Variants in TSNARE1 observed in about 807,000 individuals in gnomAD.
The protein encoded by TSNARE1 is t-SNARE domain containing 1, also known as t-SNARE domain-containing protein 1.
In TSNARE1, 49 loss-of-function variants were observed where a neutral mutation model predicts 62.0. That is an observed-to-expected ratio of 0.79 (90% CI 0.63 to 1.00). The LOEUF (loss-of-function observed/expected upper bound fraction) is 1.00, where lower values mean the gene tolerates loss of function less well. Among genes scored for constraint, TSNARE1 ranks in the 50% least tolerant of loss-of-function variants. The pLI is 0.00. For missense variants in TSNARE1, 755 were observed against 700.1 expected (o/e 1.08, Z -0.88); for synonymous variants, 328 against 294.4 (o/e 1.11, Z -1.17).
At chr8:142,331,481 G>A (rs2132024952) in intron 5 of TSNARE1, among the ~76,000 whole-genome samples, 1 of 152,332 alleles carries the variant, frequency 6.6e-6, no homozygotes, top group South Asian at 2.1e-4. Context: ...GGGGCAGCAG[G>A]CAGGAGCAGC....
chr8:142,272,807 G>T (rs1305893701), intron 12 of TSNARE1: 2 of 980,010 alleles, frequency 2.0e-6, no homozygotes, highest in African/African-American at 3.6e-5. Flanking sequence ...GACACACCGT[G>T]GGGAGGGCCC....
chr8:142,273,886 TCCTCTCTCGTC>T, intron 12 of TSNARE1: 1 of 985,104 alleles, frequency 1.0e-6, no homozygotes, highest in South Asian at 4.7e-5. Context: ...GGGATGTGGC[TCCTCTCTCGTC>T]ACACCTGCCT....
intron 1 of TSNARE1, among the ~76,000 whole-genome samples, chr8:142,391,951 A>G (rs1056436773): frequency 6.6e-6 from 1 of 152,206 alleles, no homozygotes; most frequent in Non-Finnish European, 1.5e-5. Flanking sequence ...GAGGTTTCCA[A>G]CGGTCTAAGT....
intron 2 of TSNARE1, among the ~76,000 whole-genome samples, chr8:142,347,537 T>A (rs1010036968): frequency 6.6e-6 from 1 of 152,196 alleles, no homozygotes; most frequent in Non-Finnish European, 1.5e-5. Flanking sequence ...GACAATGGCC[T>A]GTGAGGGGAT....
At chr8:142,340,105 C>T (rs1268647643) in intron 4 of TSNARE1, among the ~76,000 whole-genome samples, 4 of 152,166 alleles carry the variant, frequency 2.6e-5, no homozygotes, top group African/African-American at 7.2e-5. Flanking sequence ...GGAAGGCGGA[C>T]GGCATCAGGA....
At chr8:142,331,059 C>A in intron 5 of TSNARE1, 89 bp from the exon 6 acceptor site, 3 of 1,192,082 alleles carry the variant, frequency 2.5e-6, no homozygotes, top group Admixed American at 3.8e-5. Context: ...GCAGCCCGGG[C>A]AGGGTGAGCA....
intron 1 of TSNARE1, among the ~76,000 whole-genome samples, chr8:142,362,737 A>G (rs919940013): frequency 6.6e-6 from 1 of 152,160 alleles, no homozygotes; most frequent in Non-Finnish European, 1.5e-5. Flanking sequence ...GGACATTCAC[A>G]CCACAGCACA....
chr8:142,270,497 TA>T, intron 12 of TSNARE1: 21 of 905,270 alleles, frequency 2.3e-5, no homozygotes, highest in East Asian at 1.2e-4. Flanking sequence ...TATATATATA[TA>T]TATATTTATG....
At position 142,322,781 on chromosome 8, in the gene TSNARE1, T is replaced by C. The variant is rs1304977829; in HGVS notation, c.894-4147A>G. On this transcript the variant is annotated intron_variant, in intron 6 of 13. Coordinates refer to ENST00000524325, the MANE Select transcript of TSNARE1 (RefSeq NM_145003.5). ...CTGGCTGTGTCCATGGGCTGGATGA[T>C]ATTGTTATGAAAGGCCGGCCTTACC... Among the ~76,000 whole-genome samples the C allele has an allele frequency of 8.6e-5, 13 of 151,828 alleles. 1 individual carries two copies. Among genetic ancestry groups the C allele is most frequent in the Non-Finnish European group, 1.6e-4 (11 of 67,936 alleles).
rs200115706 is a variant in TSNARE1 at position 142,300,559 on chromosome 8, G to A, written c.1217C>T (p.Ala406Val). The A allele has an allele frequency of 2.4e-5, 39 of 1,612,606 alleles. No individual in the cohort carries two copies. The highest frequency in any genetic ancestry group is 2.9e-5 in the Non-Finnish European group (34 of 1,179,964). ...CTCTTCAGTGATGTCCGGGAGCAGC[G>A]CCTGCTCCTGGCCCTGCCACATGTT... ...SDNMWQGQEQALLPDITEEDL... is the reference protein window; with the variant it reads ...SDNMWQGQEQVLLPDITEEDL... Residue 406 changes from alanine to valine, a missense_variant, in exon 10 of 14, where the codon GCG (alanine) becomes GTG (valine). By Grantham distance (64) the Ala-to-Val change is moderately conservative. Transcript: ENST00000524325.
At chr8:142,281,062 C>A (rs764288259) in intron 11 of TSNARE1, among the ~76,000 whole-genome samples, 6 of 152,148 alleles carry the variant, frequency 3.9e-5, no homozygotes, top group Non-Finnish European at 7.4e-5. Flanking sequence ...TGAGGGTCTC[C>A]GGACACACTG....
intron 2 of TSNARE1, among the ~76,000 whole-genome samples, chr8:142,351,424 T>C (rs562057290): frequency 6.6e-6 from 1 of 152,270 alleles, no homozygotes; most frequent in Admixed American, 6.5e-5. Flanking sequence ...TAAGAAAAGA[T>C]ATGTAAGATC....
intron 12 of TSNARE1, chr8:142,270,702 G>A: frequency 6.1e-6 from 6 of 985,298 alleles, no homozygotes; most frequent in Non-Finnish European, 7.2e-6. Context: ...CCTTTCCAGA[G>A]TTCCAGTGAG....
chr8:142,344,572 T>A, intron 3 of TSNARE1, 100 bp from the exon 4 acceptor site: 1 of 1,257,320 alleles, frequency 8.0e-7, no homozygotes, highest in Non-Finnish European at 1.1e-6. Flanking sequence ...GGTTTCTGCT[T>A]CAGGACACGG....
At chr8:142,216,275 G>A (rs570927323) in intron 13 of TSNARE1, among the ~76,000 whole-genome samples, 14 of 152,296 alleles carry the variant, frequency 9.2e-5, no homozygotes, top group African/African-American at 3.1e-4. Context: ...ATGCTGCTGG[G>A]GAGATCTTTG....
intron 6 of TSNARE1, among the ~76,000 whole-genome samples, 189 bp from the exon 7 acceptor site, chr8:142,318,823 T>C (rs999608718): frequency 3.8e-5 from 5 of 131,006 alleles, no homozygotes; most frequent in African/African-American, 5.9e-5. Flanking sequence ...AAAACAAGAG[T>C]AGGGAAAGGG....
intron 1 of TSNARE1, among the ~76,000 whole-genome samples, chr8:142,398,795 C>T (rs576025915): frequency 1.4e-4 from 21 of 152,326 alleles, no homozygotes; most frequent in African/African-American, 4.8e-4. Context: ...CAGGAACACC[C>T]AGTAGACTGT....
chr8:142,311,647 C>A lies in TSNARE1; in HGVS notation c.1131+2737G>T, dbSNP rs145106907. 2.0e-3 allele frequency among the ~76,000 whole-genome samples: 304 copies of A among 152,292 alleles called. 1 individual carries two copies. The East Asian group carries it at 0.031, about 16-fold the overall frequency. ...TATCTATTCATAGAGCTTCTTGAAT[C>A]TGTGACTTGAAGTATTTGGACAGTT... is the stretch of plus-strand genomic sequence containing the variant. On this transcript the variant is annotated intron_variant, in intron 9 of 13. Transcript: ENST00000524325.
At chr8:142,248,251 T>TTG (rs1476894499) in intron 12 of TSNARE1, among the ~76,000 whole-genome samples, 2 of 152,198 alleles carry the variant, frequency 1.3e-5, no homozygotes, top group Non-Finnish European at 2.9e-5. Context: ...ATCTCTGCTC[T>TTG]TTAGAAAGGA....
Sources: gnomAD v4.1 joint callset for allele counts (sites outside exome capture counted in the v4.1 genomes callset) on GRCh38, gnomAD v4.1.1 for gene constraint, MANE v1.5 for transcripts, NCBI Gene and HGNC (gene_info 2026-07-23, HGNC 2026-07-21) for gene names.